MBP: variants seen among roughly 807,000 people sequenced by gnomAD.
MBP encodes the protein Golli-MBP.
MBP carries 16 observed loss-of-function variants against 35.8 expected under a neutral mutation model. That is an observed-to-expected ratio of 0.45 (90% confidence interval 0.30 to 0.68). The LOEUF (loss-of-function observed/expected upper bound fraction) is 0.68, where lower values mean the gene tolerates loss of function less well. Ranked by LOEUF, MBP falls within the 30% of genes least tolerant of loss-of-function variation. MBP has a pLI of 0.08. For missense variants in MBP, 380 were observed against 404.7 expected, an observed-to-expected ratio of 0.94 and a Z score of 0.52; for synonymous variants, 143 against 159.6, an observed-to-expected ratio of 0.90 and a Z score of 0.78.
intron 4 of MBP, chr18:77,014,237 A>G (rs1971500734): frequency 2.0e-6 from 2 of 985,388 alleles, no homozygotes; most frequent in Non-Finnish European, 1.2e-6. Flanking sequence ...TTGTTAGGGC[A>G]TTCCCGGGCT....
intron 1 of MBP, among the ~76,000 whole-genome samples, chr18:77,107,246 A>G (rs1479761484): frequency 6.6e-6 from 1 of 152,222 alleles, no homozygotes; most frequent in Non-Finnish European, 1.5e-5. Context: ...GTTAAGGTTG[A>G]CAACTTGGAC....
chr18:77,017,167 G>A lies in MBP; in HGVS notation c.241C>T (p.His81Tyr). The A allele has an allele frequency of 1.3e-6, 2 of 1,548,954 alleles. No individual in the cohort carries two copies. Among genetic ancestry groups the A allele is most frequent in the Non-Finnish European group, 1.7e-6 (2 of 1,146,502 alleles). ...ADPKNAWQDA[H>Y]PADPGSRPHL... ...GGGCGGCTCCCTGGGTCAGCTGGGT[G>A]GGCATCCTGCCAGGCATTCTTCGGG... Residue 81 changes from histidine (H) to tyrosine (Y), a missense_variant, in exon 4 of 9, where the codon CAC (histidine) becomes TAC (tyrosine). Physicochemically the swap from His to Tyr is moderately conservative, Grantham distance 83. Coordinates refer to ENST00000355994, the MANE Select transcript of MBP (RefSeq NM_001025101.2).
intron 3 of MBP, among the ~76,000 whole-genome samples, chr18:77,030,670 G>A (rs1410008561): frequency 6.6e-6 from 1 of 152,214 alleles, no homozygotes; most frequent in East Asian, 1.9e-4. Flanking sequence ...CATGGAACAG[G>A]TCAAGGAAAC....
At chr18:77,117,522 G>A (rs1226863546) in intron 1 of MBP, among the ~76,000 whole-genome samples, 2 of 152,102 alleles carry the variant, frequency 1.3e-5, no homozygotes, top group East Asian at 3.9e-4. Flanking sequence ...AAAGAACAGG[G>A]TTTGAAAGAT....
intron 4 of MBP, among the ~76,000 whole-genome samples, chr18:76,997,954 T>C (rs1474113473): frequency 1.3e-5 from 2 of 152,016 alleles, no homozygotes; most frequent in South Asian, 2.1e-4. Context: ...AGTGCTGGGA[T>C]TACAGGCGTG....
chr18:77,040,326 A>T (rs1056723404), intron 3 of MBP, among the ~76,000 whole-genome samples: 55 of 152,248 alleles, frequency 3.6e-4, no homozygotes, highest in Non-Finnish European at 4.0e-4. Context: ...GGGTAGGAAG[A>T]ATCAATATCG....
At chr18:76,998,180 C>T (rs1458575317) in intron 4 of MBP, among the ~76,000 whole-genome samples, 7 of 152,206 alleles carry the variant, frequency 4.6e-5, no homozygotes, top group Non-Finnish European at 7.3e-5. Context: ...CACTCTCCAT[C>T]CCTGGCCCCA....
Position 77,102,229 on chromosome 18 carries a change from G to GC in MBP, c.51+2981dup, listed in dbSNP as rs1010870033. Among the ~76,000 whole-genome samples, 18 of 152,128 alleles carry GC rather than the reference G, an allele frequency of 1.2e-4. No individual in the cohort carries two copies. Among genetic ancestry groups the GC allele is most frequent in the Non-Finnish European group, 2.2e-4 (15 of 68,006 alleles). On this transcript the variant is annotated intron_variant, in intron 2 of 8. Coordinates refer to ENST00000355994, the MANE Select transcript of MBP (RefSeq NM_001025101.2). The surrounding 1 kb of genome is among the most constrained non-coding windows in gnomAD (Gnocchi z 4.4). ...GGCAGTGTGTGGGGTAGACCGGGCA[G>GC]CCCCCACCGCAGCTGCCCTCCCTGC...
Position 77,015,981 on chromosome 18 carries a change from T to G in MBP, c.576+851A>C, listed in dbSNP as rs368213302. On this transcript the variant is annotated intron_variant, in intron 4 of 8. Coordinates refer to ENST00000355994, the MANE Select transcript of MBP (RefSeq NM_001025101.2). Reference sequence around the variant, plus strand: ...ACTAGGGACTTTTTTGGGAAAAACTTCTTTCTCTCCAAAATTACACAACCA... The same window carrying G: ...ACTAGGGACTTTTTTGGGAAAAACTGCTTTCTCTCCAAAATTACACAACCA... 7.1e-5 allele frequency: 70 copies of G among 985,320 alleles called. No individual in the cohort carries two copies. The East Asian group carries it at 3.3e-3, about 46-fold the overall frequency. 61.0% of individuals were successfully genotyped at this position (985,320 alleles called of 1,614,324 possible). A position where few individuals can be genotyped will look rare whatever the true frequency, so the allele number is the denominator to read the frequency against.
intron 7 of MBP, chr18:76,985,219 T>C (rs1252211063): frequency 1.4e-6 from 2 of 1,401,040 alleles, no homozygotes; most frequent in Admixed American, 3.8e-5. Flanking sequence ...CGCTGTGGGG[T>C]GTTCAAGAGA....
intron 4 of MBP, among the ~76,000 whole-genome samples, chr18:77,008,291 C>T (rs1971114608): frequency 1.3e-5 from 2 of 152,148 alleles, no homozygotes. Flanking sequence ...GTGCATGCAG[C>T]CCCATCTTGG....
intron 2 of MBP, among the ~76,000 whole-genome samples, chr18:77,081,819 TACAC>T (rs763116257): frequency 1.8e-4 from 14 of 76,262 alleles, no homozygotes; most frequent in African/African-American, 3.3e-4. Flanking sequence ...CACACATATA[TACAC>T]ACACACACAC....
intron 3 of MBP, among the ~76,000 whole-genome samples, chr18:77,059,057 G>C (rs1308169130): frequency 6.6e-6 from 1 of 152,076 alleles, no homozygotes; most frequent in East Asian, 1.9e-4. Context: ...TCGCCAGCAC[G>C]AGTTCGGGGA....
chr18:77,049,372 G>A (rs1973389778), intron 3 of MBP, among the ~76,000 whole-genome samples: 1 of 152,172 alleles, frequency 6.6e-6, no homozygotes, highest in Admixed American at 6.5e-5. Flanking sequence ...AATTTGTGTT[G>A]GAGAACATGC....
intron 3 of MBP, among the ~76,000 whole-genome samples, chr18:77,026,774 G>A (rs1312583593): frequency 6.6e-6 from 1 of 152,186 alleles, no homozygotes; most frequent in East Asian, 1.9e-4. Context: ...GCTGAGGTGG[G>A]AGGATCACTT....
intron 2 of MBP, among the ~76,000 whole-genome samples, chr18:77,085,683 GTT>G (rs10645727): frequency 1.6e-4 from 20 of 124,224 alleles, no homozygotes; most frequent in African/African-American, 2.4e-4. Context: ...AGTGCAATAA[GTT>G]TTTTTTTTTT....
intron 7 of MBP, chr18:76,985,590 G>A (rs1054658301): frequency 1.8e-6 from 2 of 1,087,098 alleles, no homozygotes; most frequent in Middle Eastern, 4.4e-4. Flanking sequence ...GGGCTGCTGA[G>A]CCGGACAGAG....
intron 1 of MBP, chr18:77,110,586 G>A (rs967453814): frequency 3.3e-5 from 5 of 151,666 alleles, no homozygotes; most frequent in Non-Finnish European, 5.9e-5. Context: ...CACCTGCCTT[G>A]CACTGGCCAC....
chr18:76,998,419 C>T (rs938287511), intron 4 of MBP, among the ~76,000 whole-genome samples: 3 of 152,204 alleles, frequency 2.0e-5, no homozygotes, highest in Non-Finnish European at 4.4e-5. Context: ...TTCACCCTTC[C>T]GGGGACTTCT....
Sources: allele counts gnomAD v4.1 joint callset (sites outside exome capture counted in the v4.1 genomes callset), GRCh38; gene constraint gnomAD v4.1.1; non-coding constraint Gnocchi (gnomAD v3.1); transcripts MANE v1.5; gene names NCBI Gene and HGNC (gene_info 2026-07-23, HGNC 2026-07-21).